Variants in RBM20 observed in about 807,000 individuals in gnomAD.
RBM20 encodes RNA-binding protein 20.
A neutral mutation model predicts 110.1 loss-of-function variants in RBM20; 51 were observed. The observed-to-expected ratio is 0.46, with a 90% CI of 0.37 to 0.59. RBM20 has a LOEUF of 0.59. Ranked by LOEUF, RBM20 falls within the 20% of genes least tolerant of loss-of-function variation. The pLI is 0.00. For missense variants in RBM20, 1,512 were observed against 1,574.9 expected, an observed-to-expected ratio of 0.96 and a Z score of 0.68; for synonymous variants, 589 against 618.2, an observed-to-expected ratio of 0.95 and a Z score of 0.70.
intron 1 of RBM20, among the ~76,000 whole-genome samples, chr10:110,737,162 A>T (rs1843679114): frequency 7.5e-6 from 1 of 133,906 alleles, no homozygotes. Context: ...GGGCAAGAAG[A>T]GTGAAACTCT....
At chr10:110,735,558 C>A (rs1004768213) in intron 1 of RBM20, among the ~76,000 whole-genome samples, 1 of 152,182 alleles carries the variant, frequency 6.6e-6, no homozygotes, top group African/African-American at 2.4e-5. Flanking sequence ...TGATAGGTTA[C>A]TATTACTGAC....
chr10:110,802,643 A>T (rs1480958262), intron 7 of RBM20, among the ~76,000 whole-genome samples: 2 of 152,152 alleles, frequency 1.3e-5, no homozygotes, highest in African/African-American at 4.8e-5. Flanking sequence ...CCTGAGGGAG[A>T]TAGTTTGGGG....
At chr10:110,708,730 A>G (rs183285993) in intron 1 of RBM20, among the ~76,000 whole-genome samples, 75 of 152,378 alleles carry the variant, frequency 4.9e-4, no homozygotes, top group South Asian at 1.0e-3. Flanking sequence ...AGGGGAAACA[A>G]GAAACAATAA....
intron 1 of RBM20, among the ~76,000 whole-genome samples, chr10:110,775,508 C>T (rs1344498007): frequency 6.6e-6 from 1 of 152,212 alleles, no homozygotes; most frequent in East Asian, 1.9e-4. Context: ...CTTGTTATTC[C>T]ACAGCCCTTT....
intron 1 of RBM20, among the ~76,000 whole-genome samples, chr10:110,681,995 T>C (rs1862430487): frequency 6.6e-6 from 1 of 152,208 alleles, no homozygotes; most frequent in African/African-American, 2.4e-5. Flanking sequence ...GTTCAGATGA[T>C]TCTCCTGCCT....
At chr10:110,819,990 C>A in intron 9 of RBM20, 82 bp from the exon 10 acceptor site, 1 of 831,822 alleles carries the variant, frequency 1.2e-6, no homozygotes, top group Non-Finnish European at 1.9e-6. Flanking sequence ...GAGCTGGGAC[C>A]TGCATTCAAT....
intron 1 of RBM20, among the ~76,000 whole-genome samples, chr10:110,737,193 A>AAAAAAAAAAAAAAAAAAAAAAAC (rs796374212): frequency 6.9e-5 from 8 of 116,448 alleles, no homozygotes; most frequent in African/African-American, 1.5e-4. Flanking sequence ...AAAAAAAAAA[A>AAAAAAAAAAAAAAAAAAAAAAAC]AAAACACCCC....
chr10:110,687,995 T>TTTTGTGTG (rs1862529860), intron 1 of RBM20, among the ~76,000 whole-genome samples: 1 of 145,376 alleles, frequency 6.9e-6, no homozygotes, highest in African/African-American at 2.5e-5. Context: ...CTAAATGGTT[T>TTTTGTGTG]TGTGTGTGTG....
intron 1 of RBM20, among the ~76,000 whole-genome samples, chr10:110,688,995 A>G (rs1862546561): frequency 6.6e-6 from 1 of 151,144 alleles, no homozygotes; most frequent in African/African-American, 2.4e-5. Flanking sequence ...GCTTTTAGGC[A>G]TTTTTTTGTT....
chr10:110,766,611 A>G (rs1431028953), intron 1 of RBM20, among the ~76,000 whole-genome samples: 1 of 150,518 alleles, frequency 6.6e-6, no homozygotes, highest in Non-Finnish European at 1.5e-5. Flanking sequence ...GAGTGGACAC[A>G]GCACATGTTT....
At chr10:110,767,351 CA>C (rs1844113503) in intron 1 of RBM20, among the ~76,000 whole-genome samples, 1 of 146,806 alleles carries the variant, frequency 6.8e-6, no homozygotes, top group Non-Finnish European at 1.5e-5. Context: ...CTGACCCCCC[CA>C]CCTCCCTCCC....
At chr10:110,697,257 T>G (rs1159163017) in intron 1 of RBM20, among the ~76,000 whole-genome samples, 1 of 102,846 alleles carries the variant, frequency 9.7e-6, no homozygotes, top group Non-Finnish European at 2.3e-5. Context: ...ACCGTCCCCC[T>G]GAAGATGGGT....
chr10:110,824,662 T>C (rs949243085), intron 12 of RBM20, among the ~76,000 whole-genome samples: 15 of 152,222 alleles, frequency 9.9e-5, no homozygotes, highest in African/African-American at 3.6e-4. Context: ...AGTCTCAGGG[T>C]AGGGAGTGAA....
At chr10:110,676,775 G>A (rs1862345759) in intron 1 of RBM20, among the ~76,000 whole-genome samples, 1 of 125,684 alleles carries the variant, frequency 8.0e-6, no homozygotes, top group Non-Finnish European at 1.8e-5. Context: ...TGGCTTCTTT[G>A]GAAGCAACAA....
At chr10:110,688,421 A>G (rs984185215) in intron 1 of RBM20, among the ~76,000 whole-genome samples, 2 of 152,206 alleles carry the variant, frequency 1.3e-5, no homozygotes, top group African/African-American at 2.4e-5. Context: ...TTTGTTTTTC[A>G]AAATAAAAAA....
chr10:110,780,631 T>G (rs1844324675), intron 1 of RBM20, among the ~76,000 whole-genome samples, 170 bp from the exon 2 acceptor site: 1 of 152,046 alleles, frequency 6.6e-6, no homozygotes. Context: ...TTTTTTTTTT[T>G]TTTTTTAATG....
At chr10:110,764,994 TA>T (rs956189219) in intron 1 of RBM20, among the ~76,000 whole-genome samples, 2 of 151,736 alleles carry the variant, frequency 1.3e-5, no homozygotes, top group Non-Finnish European at 2.9e-5. Flanking sequence ...CCCTCCGTTT[TA>T]AAAAAAAATT....
chr10:110,704,043 T>C (rs973205878), intron 1 of RBM20, among the ~76,000 whole-genome samples: 9 of 152,134 alleles, frequency 5.9e-5, no homozygotes, highest in Admixed American at 4.6e-4. Flanking sequence ...ACCAGCAAAG[T>C]GGAGGTTGCA....
At chr10:110,701,623 G>A (rs1023300459) in intron 1 of RBM20, among the ~76,000 whole-genome samples, 2 of 152,196 alleles carry the variant, frequency 1.3e-5, no homozygotes, top group African/African-American at 4.8e-5. Context: ...GCATGTCCAT[G>A]CACACACCCC....
Sources: allele counts gnomAD v4.1 joint callset (sites outside exome capture counted in the v4.1 genomes callset), GRCh38; gene constraint gnomAD v4.1.1; transcripts MANE v1.5; gene names NCBI Gene and HGNC (gene_info 2026-07-23, HGNC 2026-07-21).